The following RMDN1 variants were observed in gnomAD, a reference collection of about 807,000 sequenced individuals.
RMDN1 encodes the protein regulator of microtubule dynamics 1.
Under a neutral mutation model 48.9 loss-of-function variants are expected in RMDN1, and 48 were observed. The observed-to-expected ratio is 0.98, with a 90% CI of 0.78 to 1.25. RMDN1 has a LOEUF of 1.25. Among genes scored for constraint, RMDN1 ranks in the 50% most tolerant of loss-of-function variants. The pLI, the probability that RMDN1 is intolerant of heterozygous loss-of-function variation, is 0.00. For missense variants in RMDN1, 418 were observed against 373.4 expected, an observed-to-expected ratio of 1.12 and a Z score of -0.98; for synonymous variants, 148 against 132.6, an observed-to-expected ratio of 1.12 and a Z score of -0.80.
At chr8:86,504,650 T>A in intron 2 of RMDN1, 2 of 878,578 alleles carry the variant, frequency 2.3e-6, no homozygotes, top group South Asian at 2.6e-5. Context: ...TATTAAAGGA[T>A]GAGTATAATG....
intron 2 of RMDN1, chr8:86,504,851 T>C: frequency 9.3e-7 from 1 of 1,071,276 alleles, no homozygotes; most frequent in East Asian, 2.4e-5. Flanking sequence ...CTGCTGCTTA[T>C]TATTTAGGAG....
intron 2 of RMDN1, among the ~76,000 whole-genome samples, chr8:86,491,171 T>C (rs1484716154): frequency 6.6e-6 from 1 of 152,024 alleles, no homozygotes; most frequent in Non-Finnish European, 1.5e-5. Context: ...AGTCTCACTC[T>C]GTCGTCAGGC....
upstream of RMDN1, among the ~76,000 whole-genome samples, chr8:86,511,200 C>A (rs1193566964): frequency 6.6e-6 from 1 of 151,870 alleles, no homozygotes; most frequent in Admixed American, 6.6e-5. Context: ...GAAGTTCGGG[C>A]ACGGTGGCTC....
rs116865175 is a variant in RMDN1 at position 86,493,428 on chromosome 8, C to A, written c.248-4789G>T. Among the ~76,000 whole-genome samples, 48 of 152,226 alleles carry A rather than the reference C, an allele frequency of 3.2e-4. 1 individual carries two copies. In the East Asian group the frequency reaches 8.1e-3, roughly 26 times the overall value. On this transcript the variant is annotated intron_variant, in intron 2 of 9. Coordinates refer to ENST00000406452, the MANE Select transcript of RMDN1 (RefSeq NM_016033.3). ...CACGCCTTAGGAAACAACCTAAGTGCCCGTTAATAGATGAATGGATTAAAC... is the reference window on the plus strand; with the variant it reads ...CACGCCTTAGGAAACAACCTAAGTGACCGTTAATAGATGAATGGATTAAAC...
intron 9 of RMDN1, chr8:86,474,559 A>G: frequency 1.4e-6 from 1 of 698,400 alleles, no homozygotes; most frequent in Non-Finnish European, 2.5e-6. Flanking sequence ...ATGTTTTAGA[A>G]ATGTTAACTC....
At chr8:86,478,785 G>C (rs887807943) in intron 7 of RMDN1, 138 bp downstream of exon 7, 4 of 747,638 alleles carry the variant, frequency 5.4e-6, no homozygotes, top group Non-Finnish European at 9.5e-6. Flanking sequence ...GTTAAGCCTT[G>C]TGATAACACA....
chr8:86,483,077 CT>C (rs1324610102), intron 5 of RMDN1: 19 of 435,420 alleles, frequency 4.4e-5, no homozygotes, highest in Non-Finnish European at 6.9e-5. Context: ...CAAGCAAACT[CT>C]TTTATAATCA....
Position 86,488,541 on chromosome 8 carries a change from A to G in RMDN1, c.335+11T>C, listed in dbSNP as rs1481360041. 1 of 1,589,428 alleles carries G rather than the reference A, an allele frequency of 6.3e-7. No individual in the cohort carries two copies. Among genetic ancestry groups the G allele is most frequent in the South Asian group, 1.1e-5 (1 of 88,660 alleles). ...GAAACCACAAGCCTAGGCCTATCCT[A>G]CATTGCTTACCTTTCCTTGTATTGG... is the stretch of plus-strand genomic sequence containing the variant. On this transcript the variant is annotated intron_variant, in intron 3 of 9. Coordinates refer to ENST00000406452, the MANE Select transcript of RMDN1 (RefSeq NM_016033.3).
chr8:86,483,125 A>G, intron 5 of RMDN1: 2 of 365,048 alleles, frequency 5.5e-6, no homozygotes, highest in Non-Finnish European at 4.9e-6. Flanking sequence ...AATAATCCAA[A>G]GATGTTACCA....
intron 8 of RMDN1, 119 bp from the exon 9 acceptor site, chr8:86,475,072 T>C: frequency 5.4e-6 from 4 of 742,100 alleles, no homozygotes; most frequent in Non-Finnish European, 8.5e-6. Flanking sequence ...ATTAGACTAA[T>C]GGGAATTCTC....
chr8:86,491,454 T>A (rs984200418), intron 2 of RMDN1, among the ~76,000 whole-genome samples: 1 of 152,172 alleles, frequency 6.6e-6, no homozygotes, highest in Admixed American at 6.5e-5. Context: ...ACACTTCCTA[T>A]GGTACTACAG....
At chr8:86,484,994 A>G in intron 4 of RMDN1, 33 bp from the exon 5 acceptor site, 4 of 1,158,150 alleles carry the variant, frequency 3.5e-6, no homozygotes, top group Non-Finnish European at 5.1e-6. Flanking sequence ...GAACAATAAT[A>G]TTCTTAATAT....
chr8:86,477,821 T>C (rs146371274), intron 7 of RMDN1, among the ~76,000 whole-genome samples: 29 of 152,242 alleles, frequency 1.9e-4, no homozygotes, highest in Middle Eastern at 3.4e-3. Flanking sequence ...TGACATTTGA[T>C]TTCTAGAAAC....
chr8:86,496,292 A>G (rs993499627), intron 2 of RMDN1, among the ~76,000 whole-genome samples: 52 of 152,228 alleles, frequency 3.4e-4, no homozygotes, highest in African/African-American at 8.9e-4. Flanking sequence ...AAATTCTCAC[A>G]TATCAGTATG....
At chr8:86,503,390 C>CAAAACA (rs1491204153) in intron 2 of RMDN1, among the ~76,000 whole-genome samples, 1,202 of 54,808 alleles carry the variant, frequency 0.022, 66 homozygotes, top group African/African-American at 0.075. Flanking sequence ...AAAAAAAAAA[C>CAAAACA]AAAAAAAAAT....
At position 86,502,380 on chromosome 8, in the gene RMDN1, C is replaced by T. The variant is rs191660625; in HGVS notation, c.247+4615G>A. Among the ~76,000 whole-genome samples the T allele has an allele frequency of 3.0e-4, 46 of 151,964 alleles. No individual in the cohort carries two copies. The East Asian group carries it at 8.1e-3, about 27-fold the overall frequency. On this transcript the variant is annotated intron_variant, in intron 2 of 9. Transcript: ENST00000406452. ...GCCTCCTGTGTAGCTGGGACAAGCACGCATCACACACCCAGCTAATCATTT... is the reference window on the plus strand; with the variant it reads ...GCCTCCTGTGTAGCTGGGACAAGCATGCATCACACACCCAGCTAATCATTT...
chr8:86,477,798 A>G (rs1813639063), intron 7 of RMDN1, among the ~76,000 whole-genome samples: 1 of 152,116 alleles, frequency 6.6e-6, no homozygotes, highest in East Asian at 1.9e-4. Context: ...TGTTTTTGTA[A>G]TGCATTCTCT....
intron 2 of RMDN1, among the ~76,000 whole-genome samples, chr8:86,495,663 A>G (rs1357037001): frequency 2.0e-5 from 3 of 152,154 alleles, no homozygotes; most frequent in Non-Finnish European, 2.9e-5. Flanking sequence ...TGTCCTGGTG[A>G]AACACTTGCC....
intron 5 of RMDN1, chr8:86,482,853 C>A: frequency 8.6e-7 from 1 of 1,165,464 alleles, no homozygotes; most frequent in East Asian, 2.3e-5. Flanking sequence ...GCTCTCTTTG[C>A]TGAACATACA....
Sources: gnomAD v4.1 joint callset for allele counts (sites outside exome capture counted in the v4.1 genomes callset) on GRCh38, gnomAD v4.1.1 for gene constraint, MANE v1.5 for transcripts, NCBI Gene and HGNC (gene_info 2026-07-23, HGNC 2026-07-21) for gene names.